The following OVOL2 variants were observed in gnomAD, a reference collection of about 807,000 sequenced individuals.
OVOL2 encodes the protein ovo like zinc finger 2.
OVOL2 carries 13 observed loss-of-function variants against 18.1 expected under a neutral mutation model. That is an observed-to-expected ratio of 0.72 (90% CI 0.47 to 1.14). The LOEUF is 1.14. OVOL2 is among the 50% of genes most tolerant of loss of function. The probability of loss-of-function intolerance (pLI) is 0.00; values close to 1 mark genes in which losing one functional copy is unlikely to be tolerated. For missense variants in OVOL2, 335 were observed against 383.0 expected, an observed-to-expected ratio of 0.87 and a Z score of 1.05; for synonymous variants, 166 against 162.7, an observed-to-expected ratio of 1.02 and a Z score of -0.16.
intron 3 of OVOL2, among the ~76,000 whole-genome samples, chr20:18,034,679 G>A (rs1181021127): frequency 9.3e-5 from 13 of 139,718 alleles, no homozygotes; most frequent in Non-Finnish European, 1.4e-4. Context: ...ACACCCCTCC[G>A]ATTTACCTTT....
intron 2 of OVOL2, among the ~76,000 whole-genome samples, chr20:18,050,358 G>A (rs1212890284): frequency 2.0e-5 from 3 of 152,230 alleles, no homozygotes; most frequent in East Asian, 1.9e-4. Context: ...GGCAGCCATC[G>A]AGGTGGCAGC....
Position 18,024,491 on chromosome 20 carries a change from C to T in OVOL2, c.*145G>A. 2.8e-6 allele frequency: 4 copies of T among 1,423,300 alleles called. No homozygotes were observed. Among genetic ancestry groups the T allele is most frequent in the Non-Finnish European group, 3.7e-6 (4 of 1,084,654 alleles). The allele number at this position is 1,423,300 out of a possible 1,614,324, so 88.2% of individuals were successfully genotyped here. On this transcript the variant is annotated 3_prime_UTR_variant, in exon 4 of 4. Transcript: ENST00000278780. Reference sequence around the variant, plus strand: ...CGGCAACTGACAATCTTGGAATGGACCCTACTGCTGATGTTTCAAAAGGAC... The same window carrying T: ...CGGCAACTGACAATCTTGGAATGGATCCTACTGCTGATGTTTCAAAAGGAC...
intron 2 of OVOL2, among the ~76,000 whole-genome samples, chr20:18,042,016 T>C (rs1158416625): frequency 6.6e-6 from 1 of 151,580 alleles, no homozygotes; most frequent in Non-Finnish European, 1.5e-5. Flanking sequence ...GTTCAGGTAA[T>C]TCTCCTGCCT....
chr20:18,057,957 G>A, upstream of OVOL2: 2 of 1,071,700 alleles, frequency 1.9e-6, no homozygotes, highest in Non-Finnish European at 2.3e-6. This position sits in a 1 kb window ranked among gnomAD's most constrained non-coding sequence, Gnocchi z 6.3. Flanking sequence ...GTGTCAACAA[G>A]CTCGCTACCT....
Position 18,024,548 on chromosome 20 carries a change from A to G in OVOL2, c.*88T>C. 6.8e-7 allele frequency: 1 copy of G among 1,464,462 alleles called. No homozygotes were observed. The highest frequency in any genetic ancestry group is 1.4e-5 in the South Asian group (1 of 69,430). 90.7% of individuals were successfully genotyped at this position (1,464,462 alleles called of 1,614,324 possible). ...GTGAACTGGTCACTTCTAATTAAGA[A>G]GAGCCAGTGGGGTGGGGGAAGCTGA... On this transcript the variant is annotated 3_prime_UTR_variant, in exon 4 of 4. Coordinates refer to ENST00000278780, the MANE Select transcript of OVOL2 (RefSeq NM_021220.4).
chr20:18,057,555 CT>C lies in OVOL2; in HGVS notation c.79del (p.Arg27GlyfsTer10). ...CTCACCTGGGATGTAGGTGTCTGCC[CT>C]TTTCTCATCCGGGAGCTCATCCCAG... ...RSWDELPDEKRADTYIPVGLG... is the reference protein window; with the variant it reads ...RSWDELPDEKXADTYIPVGLG... On this transcript the variant is annotated frameshift_variant, in exon 1 of 4. Transcript: ENST00000278780. LOFTEE classifies it high-confidence loss of function. The surrounding 1 kb of genome is among the most constrained non-coding windows in gnomAD (Gnocchi z 6.3). The C allele has an allele frequency of 6.3e-7, 1 of 1,590,360 alleles. No individual in the cohort carries two copies. The highest frequency in any genetic ancestry group is 1.7e-5 in the Admixed American group (1 of 57,430).
intron 3 of OVOL2, among the ~76,000 whole-genome samples, chr20:18,034,087 G>GC (rs2036593737): frequency 3.9e-5 from 6 of 152,114 alleles, no homozygotes; most frequent in Admixed American, 3.9e-4. Flanking sequence ...CTGAAGTACA[G>GC]CAAGTCCCTC....
intron 3 of OVOL2, among the ~76,000 whole-genome samples, chr20:18,037,886 C>T (rs1229189179): frequency 2.0e-5 from 3 of 150,174 alleles, no homozygotes; most frequent in Admixed American, 6.7e-5. Context: ...GGGATCACCT[C>T]CCAAATACAT....
chr20:18,041,500 A>AG, intron 3 of OVOL2, 34 bp downstream of exon 3: 1 of 1,587,218 alleles, frequency 6.3e-7, no homozygotes, highest in Non-Finnish European at 8.6e-7. Context: ...CCAGAATAAC[A>AG]AAACAGAGAA....
At chr20:18,054,783 G>GAAAAGAAAAGA (rs796465834) in intron 2 of OVOL2, among the ~76,000 whole-genome samples, 3,173 of 111,102 alleles carry the variant, frequency 0.029, 90 homozygotes, top group East Asian at 0.068. Flanking sequence ...AAAAAAAAAA[G>GAAAAGAAAAGA]AAAGAAAAGA....
At chr20:18,035,528 G>A (rs1416267836) in intron 3 of OVOL2, among the ~76,000 whole-genome samples, 2 of 152,200 alleles carry the variant, frequency 1.3e-5, no homozygotes, top group African/African-American at 2.4e-5. Context: ...GTCTTTTGGA[G>A]CTGGTGAAGT....
At chr20:18,038,124 G>T (rs2036635044) in intron 3 of OVOL2, among the ~76,000 whole-genome samples, 1 of 152,120 alleles carries the variant, frequency 6.6e-6, no homozygotes, top group South Asian at 2.1e-4. Context: ...CTTCTGTCTG[G>T]CATATCGGCT....
intron 2 of OVOL2, among the ~76,000 whole-genome samples, chr20:18,043,570 T>A (rs1431349567): frequency 6.6e-6 from 1 of 152,016 alleles, no homozygotes; most frequent in African/African-American, 2.4e-5. Context: ...GCTGAATGAG[T>A]CGCCCCCACT....
chr20:18,037,058 C>T (rs2036621397), intron 3 of OVOL2, among the ~76,000 whole-genome samples: 1 of 150,394 alleles, frequency 6.6e-6, no homozygotes, highest in African/African-American at 2.5e-5. Flanking sequence ...CTGGCGTGAA[C>T]CTGGGAGGCG....
chr20:18,032,960 T>C (rs532787445), intron 3 of OVOL2, among the ~76,000 whole-genome samples: 25 of 152,170 alleles, frequency 1.6e-4, no homozygotes, highest in Non-Finnish European at 3.4e-4. Flanking sequence ...AGCTAAAAAG[T>C]AAATTAAGAT....
At chr20:18,047,832 C>A (rs1165058534) in intron 2 of OVOL2, among the ~76,000 whole-genome samples, 3 of 109,944 alleles carry the variant, frequency 2.7e-5, no homozygotes, top group Non-Finnish European at 4.9e-5. Context: ...CCAGCCCAGG[C>A]GACAGAGTGA....
In OVOL2 at chr20:18,041,380, G is replaced by A. The variant is rs186672805; in HGVS notation, c.511+154C>T. 1.2e-3 allele frequency among the ~76,000 whole-genome samples: 186 copies of A among 152,242 alleles called. 1 individual carries two copies. Among genetic ancestry groups the A allele is most frequent in the African/African-American group, 4.4e-3 (182 of 41,544 alleles). On this transcript the variant is annotated intron_variant, in intron 3 of 3. Transcript: ENST00000278780. ...GGGTTTCACTATGTTGGCCAGGCTG[G>A]TCTCAAACTCCTAACCTCGTGATCC...
chr20:18,024,800 T>C lies in OVOL2; in HGVS notation c.664A>G (p.Thr222Ala). The change falls in exon 4 of 4, where the codon ACG becomes GCG. Residue 222 changes from threonine to alanine, a missense_variant. Thr to Ala is a moderately conservative substitution (Grantham distance 58, BLOSUM62 0). Transcript: ENST00000278780. ...TACAGGTCCTCCTGGGTGGGGCCCG[T>C]GTAGCCGCAATCCTCGCAGACGTAG... Reference protein sequence around the residue: ...KLYVCEDCGYTGPTQEDLYLH... With the variant: ...KLYVCEDCGYAGPTQEDLYLH... 1 of 1,614,180 alleles carries C rather than the reference T, an allele frequency of 6.2e-7. No homozygotes were observed. The highest frequency in any genetic ancestry group is 1.6e-4 in the Middle Eastern group (1 of 6,062).
At chr20:18,047,983 TTGGTCAAAA>T (rs1318808890) in intron 2 of OVOL2, among the ~76,000 whole-genome samples, 2 of 151,998 alleles carry the variant, frequency 1.3e-5, no homozygotes, top group Non-Finnish European at 1.5e-5. Context: ...CAAAAGGTAA[TTGGTCAAAA>T]TTTCTTGTTT....
Sources: allele counts gnomAD v4.1 joint callset (sites outside exome capture counted in the v4.1 genomes callset), GRCh38; gene constraint gnomAD v4.1.1; non-coding constraint Gnocchi (gnomAD v3.1); transcripts MANE v1.5; gene names NCBI Gene and HGNC (gene_info 2026-07-23, HGNC 2026-07-21).